Variants in CHIC1 observed in about 807,000 individuals in gnomAD.
CHIC1 encodes the protein cysteine rich hydrophobic domain 1.
A neutral mutation model predicts 18.5 loss-of-function variants in CHIC1; 7 were observed. The observed-to-expected ratio is 0.38, with a 90% CI of 0.22 to 0.71. The LOEUF is 0.71. CHIC1 is among the 30% of genes least tolerant of loss of function. CHIC1 has a pLI of 0.49. For missense variants in CHIC1, 159 were observed against 176.9 expected (o/e 0.90, Z 0.57); for synonymous variants, 77 against 73.5 (o/e 1.05, Z -0.25).
At chrX:73,677,895 T>C (rs2058076811) in intron 3 of CHIC1, among the ~76,000 whole-genome samples, 1 of 112,134 alleles carries the variant, frequency 8.9e-6, no homozygotes, top group Admixed American at 9.4e-5. Context: ...CTCTCAATTT[T>C]CTTAAGATCA....
At chrX:73,608,752 C>T (rs772995397) in intron 3 of CHIC1, among the ~76,000 whole-genome samples, 16 of 108,418 alleles carry the variant, frequency 1.5e-4, no homozygotes, top group Non-Finnish European at 2.4e-4. Flanking sequence ...TGACATTGCT[C>T]ATTTTTGTGA....
intron 3 of CHIC1, among the ~76,000 whole-genome samples, chrX:73,606,491 G>A (rs565633925): frequency 6.5e-5 from 7 of 107,059 alleles, no homozygotes; most frequent in South Asian, 3.9e-4. Flanking sequence ...CTGTCACTTC[G>A]CCAAACTTCT....
At chrX:73,593,097 TTTTC>T (rs772617876) in intron 3 of CHIC1, among the ~76,000 whole-genome samples, 2 of 111,154 alleles carry the variant, frequency 1.8e-5, no homozygotes, top group Admixed American at 1.9e-4. Context: ...CATCTCTCAA[TTTTC>T]TTTGTTAATT....
At chrX:73,675,714 G>T (rs1603351046) in intron 3 of CHIC1, among the ~76,000 whole-genome samples, 1 of 111,490 alleles carries the variant, frequency 9.0e-6, no homozygotes, top group Non-Finnish European at 1.9e-5. Context: ...TTTAATTGGA[G>T]CATTTAGCCC....
At chrX:73,673,594 A>T (rs2058044245) in intron 3 of CHIC1, among the ~76,000 whole-genome samples, 1 of 111,639 alleles carries the variant, frequency 9.0e-6, no homozygotes, top group South Asian at 3.7e-4. Context: ...TTGTACATTG[A>T]TTTTGTATCC....
intron 3 of CHIC1, among the ~76,000 whole-genome samples, chrX:73,654,751 C>T (rs1001274701): frequency 9.0e-6 from 1 of 111,455 alleles, no homozygotes; most frequent in Non-Finnish European, 1.9e-5. Flanking sequence ...TTTCTGATTC[C>T]GTCTTGGTAA....
intron 3 of CHIC1, among the ~76,000 whole-genome samples, chrX:73,674,678 A>T (rs1451413564): frequency 9.0e-6 from 1 of 111,412 alleles, no homozygotes; most frequent in African/African-American, 3.3e-5. Context: ...TCTTTTCAGA[A>T]AACCAGCTCC....
chrX:73,633,138 G>T (rs1308001631), intron 3 of CHIC1, among the ~76,000 whole-genome samples: 8 of 110,816 alleles, frequency 7.2e-5, no homozygotes, highest in African/African-American at 2.6e-4. Flanking sequence ...TTTTTATGTT[G>T]CTAATAAGCA....
intron 3 of CHIC1, among the ~76,000 whole-genome samples, chrX:73,606,204 C>G (rs2057682939): frequency 9.4e-6 from 1 of 106,695 alleles, no homozygotes; most frequent in Admixed American, 1.0e-4. Context: ...TTTCTCTAAT[C>G]TTGTCTTCAT....
intron 3 of CHIC1, among the ~76,000 whole-genome samples, chrX:73,585,414 A>G (rs776915381): frequency 3.6e-5 from 4 of 111,472 alleles, no homozygotes; most frequent in Non-Finnish European, 7.6e-5. Flanking sequence ...TTGAATGGAA[A>G]AGTTAAGCAT....
intron 1 of CHIC1, among the ~76,000 whole-genome samples, chrX:73,570,797 C>T (rs1246369336): frequency 9.0e-6 from 1 of 110,541 alleles, no homozygotes; most frequent in African/African-American, 3.3e-5. Flanking sequence ...AGACTAAAAG[C>T]TAAATTTTGG....
intron 3 of CHIC1, among the ~76,000 whole-genome samples, chrX:73,616,849 G>T (rs892251768): frequency 3.6e-5 from 4 of 111,728 alleles, no homozygotes; most frequent in African/African-American, 1.3e-4. Context: ...CTATGCCTCT[G>T]GGCCTGTGAT....
intron 5 of CHIC1, among the ~76,000 whole-genome samples, chrX:73,680,622 T>G (rs1232015393): frequency 9.0e-6 from 1 of 111,153 alleles, no homozygotes; most frequent in Non-Finnish European, 1.9e-5. Flanking sequence ...TCTACTTTGC[T>G]AACAAAGAGA....
At chrX:73,619,165 G>C (rs759981308) in intron 3 of CHIC1, among the ~76,000 whole-genome samples, 3 of 111,740 alleles carry the variant, frequency 2.7e-5, no homozygotes, top group Non-Finnish European at 5.6e-5. Context: ...GTCTCCCGGG[G>C]TATGCAGGAG....
At chrX:73,677,758 T>C (rs2058075567) in intron 3 of CHIC1, among the ~76,000 whole-genome samples, 1 of 112,204 alleles carries the variant, frequency 8.9e-6, no homozygotes, top group Non-Finnish European at 1.9e-5. Flanking sequence ...GCACCTACTT[T>C]CTGGCCCTCC....
chrX:73,640,217 G>A (rs2057848739), intron 3 of CHIC1, among the ~76,000 whole-genome samples: 1 of 111,749 alleles, frequency 8.9e-6, no homozygotes, highest in South Asian at 3.7e-4. Context: ...CAATGGCCTA[G>A]TTTATTGAGG....
rs1330297125 is a variant in CHIC1, at chrX:73,687,039, C to T, written c.*6034C>T. 2.7e-5 allele frequency: 3 copies of T among 111,554 alleles called. No homozygotes were observed. The highest frequency in any genetic ancestry group is 9.8e-5 in the African/African-American group (3 of 30,764). 9.2% of individuals were successfully genotyped at this position (111,554 alleles called of 1,213,427 possible). Reference sequence around the variant, plus strand: ...TCACTGCTGCTTCTGTCATTGTTCACTTGTCAGATAAAATTTTATTATCTC... The same window carrying T: ...TCACTGCTGCTTCTGTCATTGTTCATTTGTCAGATAAAATTTTATTATCTC... On this transcript the variant is annotated 3_prime_UTR_variant, in exon 6 of 6. Coordinates refer to ENST00000373502, the MANE Select transcript of CHIC1 (RefSeq NM_001039840.4).
At chrX:73,637,685 A>C (rs2057837441) in intron 3 of CHIC1, among the ~76,000 whole-genome samples, 1 of 102,454 alleles carries the variant, frequency 9.8e-6, no homozygotes, top group Non-Finnish European at 2.0e-5. Flanking sequence ...GTGTTTTTCA[A>C]CTCCAGAATT....
At chrX:73,565,637 G>A (rs1387491054) in intron 1 of CHIC1, among the ~76,000 whole-genome samples, 1 of 112,062 alleles carries the variant, frequency 8.9e-6, no homozygotes, top group African/African-American at 3.2e-5. Flanking sequence ...GGATTTGAAA[G>A]AGATTACATG....
Sources: gnomAD v4.1 joint callset for allele counts (sites outside exome capture counted in the v4.1 genomes callset) on GRCh38, gnomAD v4.1.1 for gene constraint, MANE v1.5 for transcripts, NCBI Gene and HGNC (gene_info 2026-07-23, HGNC 2026-07-21) for gene names.